The following VAV3 variants were observed in gnomAD, a reference collection of about 807,000 sequenced individuals.
The protein encoded by VAV3 is vav guanine nucleotide exchange factor 3.
VAV3 carries 94 observed loss-of-function variants against 131.2 expected under a neutral mutation model. The observed-to-expected ratio is 0.72, with a 90% CI of 0.61 to 0.85. The LOEUF (loss-of-function observed/expected upper bound fraction) is 0.85. Among genes scored for constraint, VAV3 ranks in the 40% least tolerant of loss-of-function variants. VAV3 has a pLI of 0.00. For missense variants in VAV3, 939 were observed against 1,002.7 expected, an observed-to-expected ratio of 0.94 and a Z score of 0.86; for synonymous variants, 349 against 342.0, an observed-to-expected ratio of 1.02 and a Z score of -0.22.
chr1:107,859,521 T>A (rs1418039896), intron 2 of VAV3, among the ~76,000 whole-genome samples: 1 of 152,346 alleles, frequency 6.6e-6, no homozygotes, highest in Non-Finnish European at 1.5e-5. Context: ...AAAATACTTG[T>A]AAACTGTTTA....
intron 5 of VAV3, 36 bp from the exon 6 acceptor site, chr1:107,770,764 A>T: frequency 1.3e-6 from 2 of 1,495,494 alleles, no homozygotes; most frequent in Non-Finnish European, 1.8e-6. Context: ...ATGATTTAAT[A>T]AAATCATATA....
At chr1:107,615,571 A>T (rs1420242877) in intron 21 of VAV3, among the ~76,000 whole-genome samples, 1 of 152,210 alleles carries the variant, frequency 6.6e-6, no homozygotes, top group African/African-American at 2.4e-5. Context: ...GCCAAAAGCA[A>T]CTGCAACAAA....
chr1:107,620,787 AAG>A (rs1436716014), intron 20 of VAV3, among the ~76,000 whole-genome samples: 2 of 152,170 alleles, frequency 1.3e-5, no homozygotes. Flanking sequence ...GAGTAGGAAA[AAG>A]AGATGAATTT....
intron 19 of VAV3, among the ~76,000 whole-genome samples, chr1:107,656,160 T>C (rs1221604936): frequency 6.6e-6 from 1 of 152,216 alleles, no homozygotes; most frequent in Non-Finnish European, 1.5e-5. Flanking sequence ...CCCTTGCTTA[T>C]TGTAACACTA....
chr1:107,912,059 TTGTG>T (rs200212088), intron 1 of VAV3, among the ~76,000 whole-genome samples: 86 of 150,536 alleles, frequency 5.7e-4, no homozygotes, highest in African/African-American at 1.9e-3. Context: ...GTTTGTTTGT[TTGTG>T]TGTGTGTGTG....
At chr1:107,907,621 A>G (rs1307828464) in intron 1 of VAV3, among the ~76,000 whole-genome samples, 1 of 152,094 alleles carries the variant, frequency 6.6e-6, no homozygotes, top group East Asian at 1.9e-4. Flanking sequence ...TAGTTGTCAT[A>G]AAAGCAAATC....
chr1:107,780,428 C>T (rs1665625962), intron 2 of VAV3, among the ~76,000 whole-genome samples: 1 of 152,150 alleles, frequency 6.6e-6, no homozygotes, highest in Non-Finnish European at 1.5e-5. Context: ...TTTACCCTTC[C>T]TTCAATCTTT....
rs1488261426 is a variant in VAV3 at position 107,700,926 on chromosome 1, A to G, written c.1705+3624T>C. Among the ~76,000 whole-genome samples, 2 of 152,138 alleles carry G rather than the reference A, an allele frequency of 1.3e-5. 1 individual carries two copies. The highest frequency in any genetic ancestry group is 3.9e-4 in the East Asian group (2 of 5,188). On this transcript the variant is annotated intron_variant, in intron 17 of 26. Transcript: ENST00000370056. ...ATTTACATTCCCACCAACAGTATAA[A>G]AGCATTCCTATTTCTCCACTGCCTC...
chr1:107,799,488 G>A (rs945487696), intron 2 of VAV3, among the ~76,000 whole-genome samples: 2 of 151,966 alleles, frequency 1.3e-5, no homozygotes, highest in Non-Finnish European at 2.9e-5. Flanking sequence ...TTGTTGTCTG[G>A]CATAAATATA....
intron 1 of VAV3, among the ~76,000 whole-genome samples, chr1:107,948,434 G>A (rs543417421): frequency 1.2e-4 from 19 of 152,262 alleles, no homozygotes; most frequent in Non-Finnish European, 2.2e-4. Context: ...AGTGACCTTG[G>A]TCAAACCATT....
intron 19 of VAV3, among the ~76,000 whole-genome samples, chr1:107,649,534 G>C (rs915916146): frequency 2.6e-5 from 4 of 151,994 alleles, no homozygotes; most frequent in African/African-American, 7.2e-5. Flanking sequence ...CTGAGGTCCA[G>C]AGTGATTATT....
At chr1:107,831,088 A>G (rs1048599903) in intron 2 of VAV3, among the ~76,000 whole-genome samples, 4 of 152,280 alleles carry the variant, frequency 2.6e-5, no homozygotes, top group South Asian at 2.1e-4. Context: ...CAGATTTTCT[A>G]TTTCAGATGC....
chr1:107,655,556 G>C (rs538355692), intron 19 of VAV3, among the ~76,000 whole-genome samples: 34 of 152,212 alleles, frequency 2.2e-4, no homozygotes, highest in Admixed American at 4.6e-4. Context: ...CAGGACACTG[G>C]TTTGGGAAAA....
chr1:107,917,192 G>C (rs1672665647), intron 1 of VAV3, among the ~76,000 whole-genome samples: 1 of 152,168 alleles, frequency 6.6e-6, no homozygotes, highest in Non-Finnish European at 1.5e-5. Context: ...ACCCACGCAA[G>C]AGATGAGAAC....
intron 1 of VAV3, among the ~76,000 whole-genome samples, chr1:107,930,157 C>T (rs1238354284): frequency 1.3e-5 from 2 of 151,980 alleles, no homozygotes; most frequent in African/African-American, 4.8e-5. Context: ...AATAATTGTA[C>T]ATTTAATAAC....
At chr1:107,595,460 T>C (rs1007264372) in intron 25 of VAV3, among the ~76,000 whole-genome samples, 2 of 152,140 alleles carry the variant, frequency 1.3e-5, no homozygotes, top group Admixed American at 6.6e-5. Flanking sequence ...AGTAATGAAA[T>C]TGTATTCACT....
intron 17 of VAV3, among the ~76,000 whole-genome samples, chr1:107,701,396 A>G (rs1660123761): frequency 6.6e-6 from 1 of 152,178 alleles, no homozygotes; most frequent in Non-Finnish European, 1.5e-5. Flanking sequence ...CTGGGAACAC[A>G]GGGCACCAAA....
At chr1:107,642,510 A>G in intron 20 of VAV3, 109 bp downstream of exon 20, 2 of 1,280,776 alleles carry the variant, frequency 1.6e-6, no homozygotes, top group Non-Finnish European at 2.2e-6. Flanking sequence ...TTCTTAATCA[A>G]CTTGCTTTTG....
chr1:107,890,246 T>A (rs764761938), intron 1 of VAV3, among the ~76,000 whole-genome samples: 3 of 152,214 alleles, frequency 2.0e-5, no homozygotes, highest in Non-Finnish European at 4.4e-5. Context: ...TCATATATAT[T>A]GTTATCTGTA....
Sources: allele counts gnomAD v4.1 joint callset (sites outside exome capture counted in the v4.1 genomes callset), GRCh38; gene constraint gnomAD v4.1.1; transcripts MANE v1.5; gene names NCBI Gene and HGNC (gene_info 2026-07-23, HGNC 2026-07-21).